The following DHRSX variants were observed in gnomAD, a reference collection of about 807,000 sequenced individuals.
DHRSX encodes the protein polyprenol dehydrogenase.
Under a neutral mutation model 34.0 loss-of-function variants are expected in DHRSX, and 31 were observed. The observed-to-expected ratio is 0.91, with a 90% confidence interval of 0.69 to 1.23. The LOEUF (loss-of-function observed/expected upper bound fraction) is 1.23. Ranked by LOEUF, DHRSX falls within the 50% of genes most tolerant of loss-of-function variation. The pLI is 0.00. For missense variants in DHRSX, 414 were observed against 428.1 expected (o/e 0.97, Z 0.29); for synonymous variants, 201 against 183.8 (o/e 1.09, Z -0.76).
chrX:2,310,300 G>A (rs1405289603), intron 3 of DHRSX, among the ~76,000 whole-genome samples: 1 of 152,086 alleles, frequency 6.6e-6, no homozygotes, highest in East Asian at 1.9e-4. Context: ...CCAGGTGCCC[G>A]AACTGCCGGA....
chrX:2,492,909 C>T (rs1204325223), intron 1 of DHRSX, among the ~76,000 whole-genome samples: 1 of 152,212 alleles, frequency 6.6e-6, no homozygotes, highest in Non-Finnish European at 1.5e-5. Flanking sequence ...TTAATTTTGC[C>T]CGAAATAATG....
chrX:2,481,387 T>C lies in DHRSX; in HGVS notation c.109+19430A>G, dbSNP rs1398568552. Among the ~76,000 whole-genome samples the C allele has an allele frequency of 4.4e-3, 667 of 151,944 alleles. 5 individuals are homozygous for C. Among genetic ancestry groups the C allele is most frequent in the African/African-American group, 0.015 (602 of 41,270 alleles). The stretch of plus-strand genomic sequence containing the variant: ...TGCTCAAGGTGTATCCACACTGGGC[T>C]GGTCGCGGTGGCTCACGCCTGTCAT... On this transcript the variant is annotated intron_variant, in intron 1 of 6. Transcript: ENST00000334651.
At chrX:2,311,476 G>A (rs2042164984) in intron 3 of DHRSX, among the ~76,000 whole-genome samples, 1 of 152,140 alleles carries the variant, frequency 6.6e-6, no homozygotes, top group Non-Finnish European at 1.5e-5. Context: ...TTGTCAGAAT[G>A]GTAAAGTGTT....
chrX:2,372,094 A>T (rs1246364261), intron 3 of DHRSX, among the ~76,000 whole-genome samples: 2 of 151,968 alleles, frequency 1.3e-5, no homozygotes, highest in African/African-American at 4.8e-5. Flanking sequence ...CGTCGGAGAA[A>T]TTTTCTTGAG....
At chrX:2,316,291 C>G (rs1329760028) in intron 3 of DHRSX, among the ~76,000 whole-genome samples, 2 of 152,170 alleles carry the variant, frequency 1.3e-5, no homozygotes, top group Non-Finnish European at 2.9e-5. Context: ...TGGCTCACGC[C>G]TGTAATTCCA....
At position 2,387,283 on chromosome X, in the gene DHRSX, G is replaced by A. The variant is rs186266582; in HGVS notation, c.286+21462C>T. Among the ~76,000 whole-genome samples the A allele has an allele frequency of 2.6e-5, 4 of 152,288 alleles. No homozygotes were observed. The East Asian group carries it at 7.7e-4, about 29-fold the overall frequency. ...TATCAACTGAGGCAGCAGGGTTATA[G>A]ATGTAGGGGGTAAGGAACGGACCCT... On this transcript the variant is annotated intron_variant, in intron 3 of 6. Transcript: ENST00000334651.
At chrX:2,444,010 G>GAA (rs569503260) in intron 1 of DHRSX, among the ~76,000 whole-genome samples, 1,045 of 102,286 alleles carry the variant, frequency 0.01, 12 homozygotes, top group East Asian at 0.031. Flanking sequence ...GTCTCAAAAA[G>GAA]AAAAAAAAAA....
At chrX:2,464,071 C>T (rs1464271494) in intron 1 of DHRSX, among the ~76,000 whole-genome samples, 7 of 151,546 alleles carry the variant, frequency 4.6e-5, no homozygotes, top group African/African-American at 1.7e-4. Context: ...GCTAAGGGAC[C>T]ACCGCCATGT....
At chrX:2,441,575 A>G (rs1488879117) in intron 1 of DHRSX, among the ~76,000 whole-genome samples, 1 of 152,140 alleles carries the variant, frequency 6.6e-6, no homozygotes, top group African/African-American at 2.4e-5. Flanking sequence ...GCCCATGGAG[A>G]CATGATGTCG....
intron 3 of DHRSX, among the ~76,000 whole-genome samples, chrX:2,311,442 T>G (rs2042164671): frequency 6.6e-6 from 1 of 152,138 alleles, no homozygotes; most frequent in Non-Finnish European, 1.5e-5. Context: ...GAAACCACCT[T>G]CAGGATAAAC....
chrX:2,277,501 A>AG (rs1243045467), intron 4 of DHRSX, among the ~76,000 whole-genome samples: 82 of 23,644 alleles, frequency 3.5e-3, no homozygotes, highest in Admixed American at 8.9e-3. Context: ...GAGAAGGAAG[A>AG]GGAGGAAATG....
At chrX:2,283,732 C>G (rs1182142816) in intron 4 of DHRSX, among the ~76,000 whole-genome samples, 5 of 152,214 alleles carry the variant, frequency 3.3e-5, no homozygotes, top group Non-Finnish European at 7.3e-5. Context: ...TTTGAATGAA[C>G]TCATTAGAAT....
At position 2,360,979 on chromosome X, in the gene DHRSX, G is replaced by C. The variant is rs1007655071; in HGVS notation, c.286+47766C>G. Among the ~76,000 whole-genome samples the C allele has an allele frequency of 2.0e-5, 3 of 152,144 alleles. No homozygotes were observed. The South Asian group carries it at 6.2e-4, about 32-fold the overall frequency. On this transcript the variant is annotated intron_variant, in intron 3 of 6. Coordinates refer to ENST00000334651, the MANE Select transcript of DHRSX (RefSeq NM_145177.3). ...ATGAGGAAATGGCTTTTCCCTCTTT[G>C]TGTGTTTAGTGATGATAAGAGCAAT... is the stretch of plus-strand genomic sequence containing the variant.
chrX:2,469,236 G>A (rs188777245), intron 1 of DHRSX, among the ~76,000 whole-genome samples: 1 of 149,486 alleles, frequency 6.7e-6, no homozygotes, highest in Non-Finnish European at 1.5e-5. Context: ...CCAAGGGACC[G>A]CACTGAAGAA....
chrX:2,271,461 C>G lies in DHRSX; in HGVS notation c.389-4514G>C, dbSNP rs369679929. 2.0e-5 allele frequency among the ~76,000 whole-genome samples: 3 copies of G among 152,330 alleles called. No individual in the cohort carries two copies. The East Asian group carries it at 5.8e-4, about 29-fold the overall frequency. ...GCAGACTGTTCAGGTGCAGTCCTTG[C>G]TTCTCACCTGCACACACTTTCCAGC... On this transcript the variant is annotated intron_variant, in intron 4 of 6. Transcript: ENST00000334651.
chrX:2,244,501 G>A (rs1330541240), intron 5 of DHRSX, among the ~76,000 whole-genome samples: 1 of 152,036 alleles, frequency 6.6e-6, no homozygotes, highest in Non-Finnish European at 1.5e-5. Flanking sequence ...TTAATGCTAG[G>A]CACAGATCAT....
intron 4 of DHRSX, among the ~76,000 whole-genome samples, chrX:2,274,147 C>T (rs73185738): frequency 0.42 from 63,220 of 150,708 alleles, 14,675 homozygotes; most frequent in Middle Eastern, 0.57. Context: ...AAGCGATTCT[C>T]CTGCCTCAGC....
intron 1 of DHRSX, among the ~76,000 whole-genome samples, chrX:2,465,546 T>C (rs373844535): frequency 1.1e-3 from 170 of 152,096 alleles, no homozygotes; most frequent in African/African-American, 3.9e-3. Flanking sequence ...CTGACACCTG[T>C]CATCCGAGCA....
chrX:2,342,437 A>G (rs1056284897), intron 3 of DHRSX, among the ~76,000 whole-genome samples: 2 of 152,056 alleles, frequency 1.3e-5, no homozygotes, highest in African/African-American at 2.4e-5. Context: ...GCTCCTGGGC[A>G]GGACGGTGAC....
Sources: gnomAD v4.1 joint callset for allele counts (sites outside exome capture counted in the v4.1 genomes callset) on GRCh38, gnomAD v4.1.1 for gene constraint, MANE v1.5 for transcripts, NCBI Gene and HGNC (gene_info 2026-07-23, HGNC 2026-07-21) for gene names.